MALRD1: variants seen among roughly 807,000 people sequenced by gnomAD.
MALRD1 encodes the protein MAM and LDL-receptor class A domain-containing protein 1.
A neutral mutation model predicts 242.1 loss-of-function variants in MALRD1; 247 were observed. That is an observed-to-expected ratio of 1.02 (90% CI 0.92 to 1.13). MALRD1 has a LOEUF of 1.13. MALRD1 is among the 50% of genes most tolerant of loss of function. The pLI, the probability that MALRD1 is intolerant of heterozygous loss-of-function variation, is 0.00. For synonymous variants in MALRD1, 995 were observed against 866.6 expected, an observed-to-expected ratio of 1.15 and a Z score of -2.60; for missense variants, 2,989 against 2,533.1, an observed-to-expected ratio of 1.18 and a Z score of -3.86.
intron 31 of MALRD1, 83 bp from the exon 32 acceptor site, chr10:19,531,111 G>T (rs889247941): frequency 2.1e-5 from 24 of 1,160,226 alleles, no homozygotes; most frequent in Non-Finnish European, 2.9e-5. Context: ...AGGATAAAAA[G>T]ATATCTGTTA....
intron 36 of MALRD1, among the ~76,000 whole-genome samples, chr10:19,688,169 C>T (rs1482579957): frequency 6.6e-6 from 1 of 152,062 alleles, no homozygotes; most frequent in East Asian, 1.9e-4. Flanking sequence ...GGGGTTTTGC[C>T]ATGTTGGCCA....
Position 19,280,209 on chromosome 10 carries a change from A to G in MALRD1, c.3242A>G (p.Asp1081Gly). 5 of 1,511,422 alleles carry G rather than the reference A, an allele frequency of 3.3e-6. No homozygotes were observed. Among genetic ancestry groups the G allele is most frequent in the Non-Finnish European group, 3.5e-6 (4 of 1,132,766 alleles). The allele number at this position is 1,511,422 out of a possible 1,614,324, so 93.6% of individuals were successfully genotyped here. Residue 1081 changes from aspartate (D) to glycine (G), a missense_variant, in exon 20 of 40, where the codon GAT becomes GGT. Asp to Gly is a moderately conservative substitution (Grantham distance 94). Coordinates refer to ENST00000454679, the MANE Select transcript of MALRD1 (RefSeq NM_001142308.3). ...DFKYDCPDKS[D>G]EASCVMEVCS... The stretch of plus-strand genomic sequence containing the variant: ...AAATATGACTGCCCTGACAAATCAG[A>G]TGAAGCATCCTGTGGTAGGTGGATT...
At position 19,147,461 on chromosome 10, in the gene MALRD1, G is replaced by A. The variant is rs919834960; in HGVS notation, c.1558+1117G>A. Among the ~76,000 whole-genome samples the A allele has an allele frequency of 2.6e-5, 4 of 152,124 alleles. No individual in the cohort carries two copies. In the East Asian group the frequency reaches 5.8e-4, roughly 22 times the overall value. ...CCATGACTCATTTCTTTAACATTTTGTGGCAGACAAAGTTAAGTTTAAAGT... is the reference window on the plus strand; with the variant it reads ...CCATGACTCATTTCTTTAACATTTTATGGCAGACAAAGTTAAGTTTAAAGT... On this transcript the variant is annotated intron_variant, in intron 11 of 39. Coordinates refer to ENST00000454679, the MANE Select transcript of MALRD1 (RefSeq NM_001142308.3).
intron 31 of MALRD1, among the ~76,000 whole-genome samples, chr10:19,513,465 C>T (rs10827510): frequency 0.099 from 14,727 of 148,602 alleles, 758 homozygotes; most frequent in South Asian, 0.11. Flanking sequence ...CCTGGCCGGG[C>T]GTGGTGGCTC....
chr10:19,685,874 C>T (rs951794081), intron 36 of MALRD1, among the ~76,000 whole-genome samples: 4 of 152,142 alleles, frequency 2.6e-5, no homozygotes, highest in African/African-American at 9.7e-5. Flanking sequence ...GTGAACCAAT[C>T]TCATGGATTA....
Position 19,504,827 on chromosome 10 carries a change from C to T in MALRD1, c.5320+6181C>T, listed in dbSNP as rs376527134. Among the ~76,000 whole-genome samples, 39 of 151,028 alleles carry T rather than the reference C, an allele frequency of 2.6e-4. No individual in the cohort carries two copies. In the East Asian group the frequency reaches 3.5e-3, roughly 14 times the overall value. On this transcript the variant is annotated intron_variant, in intron 31 of 39. Coordinates refer to ENST00000454679, the MANE Select transcript of MALRD1 (RefSeq NM_001142308.3). ...CCTCCCGAGTAGCTGGGACTACAGG[C>T]GCCCGCCACCGCGCCCGGCTAAGTT...
At chr10:19,161,270 A>G (rs12780830) in intron 12 of MALRD1, among the ~76,000 whole-genome samples, 9,552 of 105,678 alleles carry the variant, frequency 0.09, 411 homozygotes, top group Middle Eastern at 0.15. Context: ...ACCAAACACC[A>G]CATATTCTCA....
rs1371525972 is a variant in MALRD1 at position 19,530,397 on chromosome 10, AATATTAT to A, written c.5321-791_5321-785del. Among the ~76,000 whole-genome samples, 15 of 40,850 alleles carry A rather than the reference AATATTAT, an allele frequency of 3.7e-4. 1 individual carries two copies. Among genetic ancestry groups the A allele is most frequent in the Admixed American group, 1.1e-3 (3 of 2,650 alleles). 26.8% of individuals were successfully genotyped at this position (40,850 alleles called of 152,430 possible). On this transcript the variant is annotated intron_variant, in intron 31 of 39. Transcript: ENST00000454679. The stretch of plus-strand genomic sequence containing the variant: ...TATATAAATATTATATATTTATATA[AATATTAT>A]ATATTTATATAATAATAAATATATA...
Position 19,203,631 on chromosome 10 carries a change from A to C in MALRD1, c.1952-97A>C, listed in dbSNP as rs1253401049. On this transcript the variant is annotated intron_variant, in intron 14 of 39. Coordinates refer to ENST00000454679, the MANE Select transcript of MALRD1 (RefSeq NM_001142308.3). Reference sequence around the variant, plus strand: ...CCCTCATTGCCCTTCATGTGCATACAGAAGCATAATAAGGTGAATTCTATT... The same window carrying C: ...CCCTCATTGCCCTTCATGTGCATACCGAAGCATAATAAGGTGAATTCTATT... The C allele has an allele frequency of 4.8e-6, 6 of 1,245,884 alleles. No individual in the cohort carries two copies. In the Admixed American group the frequency reaches 1.7e-4, roughly 36 times the overall value. 77.2% of individuals were successfully genotyped at this position (1,245,884 alleles called of 1,614,324 possible). A position where few individuals can be genotyped will look rare whatever the true frequency, so the allele number is the denominator to read the frequency against.
chr10:19,126,717 T>C (rs1175576042), intron 7 of MALRD1, among the ~76,000 whole-genome samples: 1 of 152,088 alleles, frequency 6.6e-6, no homozygotes, highest in African/African-American at 2.4e-5. Context: ...TTTTATTTTT[T>C]TTTATTTTTT....
At chr10:19,617,113 A>G (rs573859754) in intron 36 of MALRD1, among the ~76,000 whole-genome samples, 1 of 152,136 alleles carries the variant, frequency 6.6e-6, no homozygotes, top group Admixed American at 6.6e-5. Flanking sequence ...AAAGAGGTTG[A>G]TTTTTGTCCG....
intron 19 of MALRD1, among the ~76,000 whole-genome samples, chr10:19,266,262 C>G (rs1839972368): frequency 6.6e-6 from 1 of 151,572 alleles, no homozygotes; most frequent in Non-Finnish European, 1.5e-5. Context: ...TAAAAAATTC[C>G]TTCCTAGCTG....
intron 8 of MALRD1, among the ~76,000 whole-genome samples, chr10:19,133,020 C>T (rs116517729): frequency 0.012 from 1,901 of 152,168 alleles, 49 homozygotes; most frequent in African/African-American, 0.043. Flanking sequence ...CTCACTGCAA[C>T]CTGCGCCTCC....
Position 19,328,904 on chromosome 10 carries a change from C to G in MALRD1, c.3687+1231C>G, listed in dbSNP as rs551716981. 9.8e-4 allele frequency among the ~76,000 whole-genome samples: 148 copies of G among 151,420 alleles called. No homozygotes were observed. The Middle Eastern group carries it at 0.01, about 11-fold the overall frequency. ...TTTAAACTGAGGCGAGAAGAAATCT[C>G]AGCAAGAACATGTAGAAGATTCTAC... On this transcript the variant is annotated intron_variant, in intron 23 of 39. Coordinates refer to ENST00000454679, the MANE Select transcript of MALRD1 (RefSeq NM_001142308.3).
intron 24 of MALRD1, among the ~76,000 whole-genome samples, chr10:19,341,781 T>TA (rs1452605152): frequency 1.3e-5 from 2 of 151,948 alleles, no homozygotes. Flanking sequence ...CTGAAGGAGT[T>TA]AAAAAAACAA....
chr10:19,573,160 A>G (rs1006349281), intron 33 of MALRD1, among the ~76,000 whole-genome samples: 5 of 152,166 alleles, frequency 3.3e-5, no homozygotes, highest in East Asian at 1.9e-4. Flanking sequence ...TGGATTCTGT[A>G]CAGTGGGCAG....
At chr10:19,521,741 C>G (rs3852469) in intron 31 of MALRD1, among the ~76,000 whole-genome samples, 38,462 of 152,006 alleles carry the variant, frequency 0.25, 5,987 homozygotes, top group Admixed American at 0.4. Flanking sequence ...TACTACTGAT[C>G]AATCACTTAT....
At chr10:19,728,617 C>G (rs1835151139) in intron 38 of MALRD1, 1 of 152,308 alleles carries the variant, frequency 6.6e-6, no homozygotes, top group African/African-American at 2.4e-5. Context: ...CTCCTGCTTC[C>G]TGATTTCATG....
chr10:19,651,027 A>G (rs746794614), intron 36 of MALRD1, among the ~76,000 whole-genome samples: 6 of 152,208 alleles, frequency 3.9e-5, no homozygotes, highest in Non-Finnish European at 7.3e-5. Context: ...TCCCTTGTCC[A>G]TATCAAAAGA....
Sources: gnomAD v4.1 joint callset for allele counts (sites outside exome capture counted in the v4.1 genomes callset) on GRCh38, gnomAD v4.1.1 for gene constraint, MANE v1.5 for transcripts, NCBI Gene and HGNC (gene_info 2026-07-23, HGNC 2026-07-21) for gene names.